Variants in CSMD1 observed in about 807,000 individuals in gnomAD.
CSMD1 encodes CUB and sushi domain-containing protein 1.
In CSMD1, 213 loss-of-function variants were observed where a neutral mutation model predicts 417.5. The ratio of observed to expected loss-of-function variants is 0.51; its 90% CI spans 0.46 to 0.57. The LOEUF is 0.57. Among genes scored for constraint, CSMD1 ranks in the 20% least tolerant of loss-of-function variants. The probability of loss-of-function intolerance (pLI) is 0.00; values close to 1 mark genes in which losing one functional copy is unlikely to be tolerated. For synonymous variants in CSMD1, 2,862 were observed against 1,736.8 expected, an observed-to-expected ratio of 1.65 and a Z score of -16.11; for missense variants, 6,923 against 4,529.7, an observed-to-expected ratio of 1.53 and a Z score of -15.17.
At chr8:4,993,369 C>T (rs1393931688) in intron 1 of CSMD1, among the ~76,000 whole-genome samples, 1 of 106,876 alleles carries the variant, frequency 9.4e-6, no homozygotes, top group Non-Finnish European at 2.5e-5. Context: ...ATGTGAAAAC[C>T]AATCAGTATT....
chr8:4,433,653 T>G (rs1253792583), intron 2 of CSMD1, among the ~76,000 whole-genome samples: 1 of 152,198 alleles, frequency 6.6e-6, no homozygotes, highest in Non-Finnish European at 1.5e-5. Flanking sequence ...TGCCCTTGTC[T>G]GAAAGAGCTA....
At chr8:4,322,569 T>A (rs1196150013) in intron 3 of CSMD1, among the ~76,000 whole-genome samples, 1 of 152,124 alleles carries the variant, frequency 6.6e-6, no homozygotes, top group Non-Finnish European at 1.5e-5. Context: ...AGTAAGATTT[T>A]GATGAAGGAA....
At chr8:3,060,690 G>A (rs1032524902) in intron 49 of CSMD1, among the ~76,000 whole-genome samples, 3 of 152,144 alleles carry the variant, frequency 2.0e-5, no homozygotes, top group Admixed American at 6.5e-5. Flanking sequence ...ACAGGTGATA[G>A]CCCCCATCAT....
At chr8:4,504,776 T>G (rs1463679177) in intron 2 of CSMD1, among the ~76,000 whole-genome samples, 1 of 152,190 alleles carries the variant, frequency 6.6e-6, no homozygotes, top group Non-Finnish European at 1.5e-5. Context: ...AATGATGGTT[T>G]CCAGCTTCAT....
chr8:3,983,804 G>A (rs1003497574), intron 5 of CSMD1, among the ~76,000 whole-genome samples: 20 of 152,134 alleles, frequency 1.3e-4, no homozygotes, highest in African/African-American at 4.8e-4. Context: ...TGATGGGGCT[G>A]TCAAATGCAG....
chr8:4,362,309 G>T (rs1801814140), intron 3 of CSMD1, among the ~76,000 whole-genome samples: 3 of 152,060 alleles, frequency 2.0e-5, no homozygotes, highest in South Asian at 4.1e-4. Context: ...TGGACTCCTT[G>T]GCCCTGGGGT....
chr8:3,761,731 T>A (rs1299239716), intron 5 of CSMD1, among the ~76,000 whole-genome samples: 2 of 151,992 alleles, frequency 1.3e-5, no homozygotes, highest in Admixed American at 1.3e-4. Context: ...GTCTCGAACT[T>A]CTGATCTCAG....
intron 5 of CSMD1, among the ~76,000 whole-genome samples, chr8:3,854,976 A>C (rs1804192516): frequency 1.3e-5 from 2 of 152,146 alleles, no homozygotes; most frequent in African/African-American, 4.8e-5. Flanking sequence ...CATACACACA[A>C]ATGTCCAGGC....
chr8:3,684,104 ATATATTATATAATATATAAT>A, intron 7 of CSMD1, among the ~76,000 whole-genome samples: 1 of 145,820 alleles, frequency 6.9e-6, no homozygotes, highest in South Asian at 2.1e-4. Flanking sequence ...TATAGATATT[ATATATTATATAATATATAAT>A]TTATATAATA....
At chr8:4,452,877 T>C (rs1037645549) in intron 2 of CSMD1, among the ~76,000 whole-genome samples, 1 of 152,182 alleles carries the variant, frequency 6.6e-6, no homozygotes, top group African/African-American at 2.4e-5. Flanking sequence ...AGGCCGACTG[T>C]GAAACAAATT....
At chr8:4,383,794 C>T (rs1393823206) in intron 3 of CSMD1, among the ~76,000 whole-genome samples, 1 of 151,776 alleles carries the variant, frequency 6.6e-6, no homozygotes, top group Non-Finnish European at 1.5e-5. Context: ...GTGTCAAATG[C>T]TACATATATA....
chr8:3,632,506 G>A lies in CSMD1; in HGVS notation c.1010-15709C>T, dbSNP rs140416877. ...ATGTCATGATAAAACCTTAGATTGT[G>A]ATGGGCGTTGAAGATGAGTATTGGT... On this transcript the variant is annotated intron_variant, in intron 7 of 69. Coordinates refer to ENST00000635120, the MANE Select transcript of CSMD1 (RefSeq NM_033225.6). Among the ~76,000 whole-genome samples the A allele has an allele frequency of 2.0e-3, 311 of 152,320 alleles. 2 individuals carry two copies. The highest frequency in any genetic ancestry group is 7.2e-3 in the African/African-American group (299 of 41,568).
chr8:4,831,413 A>G (rs1275034291), intron 1 of CSMD1, among the ~76,000 whole-genome samples: 2 of 152,210 alleles, frequency 1.3e-5, no homozygotes, highest in Non-Finnish European at 2.9e-5. Context: ...CATTTATTGA[A>G]TAACTACAAA....
At chr8:3,494,197 AG>A (rs1796264568) in intron 10 of CSMD1, among the ~76,000 whole-genome samples, 2 of 152,300 alleles carry the variant, frequency 1.3e-5, no homozygotes, top group South Asian at 4.1e-4. Flanking sequence ...GAGGATACAA[AG>A]CTCTCCTCTA....
chr8:4,534,412 C>T (rs917355734), intron 2 of CSMD1, among the ~76,000 whole-genome samples: 1 of 152,160 alleles, frequency 6.6e-6, no homozygotes, highest in Non-Finnish European at 1.5e-5. Flanking sequence ...CACTCATTCA[C>T]CTTTACTCTC....
In CSMD1 at chr8:4,943,495, CAA is replaced by C. The variant is rs36181231; in HGVS notation, c.85+50835_85+50836del. On this transcript the variant is annotated intron_variant, in intron 1 of 69. Coordinates refer to ENST00000635120, the MANE Select transcript of CSMD1 (RefSeq NM_033225.6). ...TGGGGGACAGAGTGAGACACCGTCT[CAA>C]AAAAATAAAATGAAATAAAATAAAA... Among the ~76,000 whole-genome samples, 89 of 54,116 alleles carry C rather than the reference CAA, an allele frequency of 1.6e-3. No homozygotes were observed. The East Asian group carries it at 0.04, about 24-fold the overall frequency. The allele number at this position is 54,116 out of a possible 152,430, so 35.5% of individuals were successfully genotyped here. A position where few individuals can be genotyped will look rare whatever the true frequency, so the allele number is the denominator to read the frequency against.
intron 12 of CSMD1, among the ~76,000 whole-genome samples, chr8:3,461,765 T>TG (rs1210625692): frequency 2.0e-5 from 3 of 152,022 alleles, no homozygotes; most frequent in Admixed American, 2.0e-4. Context: ...TACAGATGAG[T>TG]GGGACGATTT....
chr8:4,078,569 C>G (rs891312117), intron 3 of CSMD1, among the ~76,000 whole-genome samples: 1 of 151,228 alleles, frequency 6.6e-6, no homozygotes, highest in Non-Finnish European at 1.5e-5. Context: ...CGGCTGATAT[C>G]CAACTTTTTA....
intron 3 of CSMD1, among the ~76,000 whole-genome samples, chr8:4,147,175 C>CA (rs1326379331): frequency 6.6e-6 from 1 of 152,080 alleles, no homozygotes; most frequent in African/African-American, 2.4e-5. Flanking sequence ...CCCCTGCCCC[C>CA]ACCACCAGGC....
Sources: allele counts gnomAD v4.1 joint callset (sites outside exome capture counted in the v4.1 genomes callset), GRCh38; gene constraint gnomAD v4.1.1; transcripts MANE v1.5; gene names NCBI Gene and HGNC (gene_info 2026-07-23, HGNC 2026-07-21).